SEC14L5: variants seen among roughly 807,000 people sequenced by gnomAD.
SEC14L5 encodes SEC14 like lipid binding 5.
SEC14L5 carries 96 observed loss-of-function variants against 84.6 expected under a neutral mutation model. That is an observed-to-expected ratio of 1.13 (90% confidence interval 0.96 to 1.34). SEC14L5 has a LOEUF of 1.34. SEC14L5 is among the 40% of genes most tolerant of loss of function. The pLI is 0.00. For missense variants in SEC14L5, 1,224 were observed against 942.5 expected (o/e 1.30, Z -3.91); for synonymous variants, 546 against 383.4 (o/e 1.42, Z -4.95).
intron 14 of SEC14L5, among the ~76,000 whole-genome samples, chr16:5,009,748 G>T (rs1955778277): frequency 6.6e-6 from 1 of 152,150 alleles, no homozygotes; most frequent in Admixed American, 6.5e-5. Context: ...CAGGGGGAAG[G>T]ATGAGCATAT....
At chr16:4,987,879 G>A (rs1164783036) in intron 3 of SEC14L5, among the ~76,000 whole-genome samples, 173 bp downstream of exon 3, 9 of 152,308 alleles carry the variant, frequency 5.9e-5, no homozygotes, top group Admixed American at 5.9e-4. Context: ...CAGGGCCCAG[G>A]AGGGGCGAGG....
rs2142482815 is a variant in SEC14L5 at position 4,971,702 on chromosome 16, C to T, written c.63+12316C>T. Among the ~76,000 whole-genome samples, 7 of 152,336 alleles carry T rather than the reference C, an allele frequency of 4.6e-5. No homozygotes were observed. In the Middle Eastern group the frequency reaches 0.02, roughly 444 times the overall value. ...CTGGGAGTGTAGATGTAGGTCCACT[C>T]ACTCTGAGACTAGGGAGACCGGTAC... On this transcript the variant is annotated intron_variant, in intron 2 of 15. Coordinates refer to ENST00000251170, the MANE Select transcript of SEC14L5 (RefSeq NM_014692.2).
At chr16:5,004,791 C>G (rs918880587) in intron 11 of SEC14L5, among the ~76,000 whole-genome samples, 3 of 152,226 alleles carry the variant, frequency 2.0e-5, no homozygotes, top group Non-Finnish European at 4.4e-5. Context: ...CTCCCACTTC[C>G]TTCCTTCTTT....
At chr16:4,967,997 C>T (rs1955227450) in intron 2 of SEC14L5, among the ~76,000 whole-genome samples, 1 of 136,850 alleles carries the variant, frequency 7.3e-6, no homozygotes, top group South Asian at 2.7e-4. Flanking sequence ...CTTCCCTTCC[C>T]TTTCTCCCTC....
intron 12 of SEC14L5, 72 bp from the exon 13 acceptor site, chr16:5,007,280 C>T (rs1955741877): frequency 4.8e-6 from 7 of 1,471,226 alleles, no homozygotes; most frequent in Non-Finnish European, 5.6e-6. Context: ...GGTCACACAT[C>T]ACCCTTCTGT....
At chr16:4,988,671 A>G (rs1422485141) in intron 4 of SEC14L5, among the ~76,000 whole-genome samples, 1 of 152,176 alleles carries the variant, frequency 6.6e-6, no homozygotes, top group African/African-American at 2.4e-5. Flanking sequence ...GGGCTTAATA[A>G]TCATGCCTAC....
chr16:4,982,340 G>A (rs751536968), intron 2 of SEC14L5, among the ~76,000 whole-genome samples: 7 of 152,154 alleles, frequency 4.6e-5, no homozygotes, highest in Admixed American at 1.3e-4. Context: ...TGTGACAGGC[G>A]CTAGGAGCAG....
chr16:5,013,901 CA>C (rs1325119476), intron 15 of SEC14L5, among the ~76,000 whole-genome samples: 1 of 152,120 alleles, frequency 6.6e-6, no homozygotes, highest in East Asian at 1.9e-4. Context: ...CTATTTTGCC[CA>C]GGCTGGTCTC....
At chr16:5,000,989 C>T in intron 10 of SEC14L5, 64 bp downstream of exon 10, 1 of 1,275,768 alleles carries the variant, frequency 7.8e-7, no homozygotes, top group Non-Finnish European at 1.1e-6. Context: ...GAGAGGGGTC[C>T]ACTGTGCATA....
chr16:4,958,657 C>G (rs949553674), intron 1 of SEC14L5, among the ~76,000 whole-genome samples: 1 of 152,172 alleles, frequency 6.6e-6, no homozygotes, highest in Admixed American at 6.6e-5. Flanking sequence ...TGCGTGTGTG[C>G]ACGTCTGTGC....
intron 2 of SEC14L5, among the ~76,000 whole-genome samples, chr16:4,960,318 C>T (rs531614693): frequency 2.0e-5 from 3 of 152,134 alleles, no homozygotes; most frequent in Non-Finnish European, 2.9e-5. Context: ...AATATGCTGT[C>T]GCTGTTATTA....
At chr16:5,006,507 G>C (rs981882782) in intron 12 of SEC14L5, among the ~76,000 whole-genome samples, 1 of 152,136 alleles carries the variant, frequency 6.6e-6, no homozygotes, top group Non-Finnish European at 1.5e-5. Flanking sequence ...CCCTTCAAGG[G>C]AGGCAGTGTC....
chr16:5,009,478 C>G (rs1955775077), intron 14 of SEC14L5, among the ~76,000 whole-genome samples: 1 of 152,056 alleles, frequency 6.6e-6, no homozygotes, highest in Non-Finnish European at 1.5e-5. Flanking sequence ...TTCCCGCCAC[C>G]ATGTCCAACT....
At chr16:4,972,244 C>T (rs954753754) in intron 2 of SEC14L5, among the ~76,000 whole-genome samples, 2 of 152,138 alleles carry the variant, frequency 1.3e-5, no homozygotes, top group Non-Finnish European at 2.9e-5. Flanking sequence ...TTCAAGTGAT[C>T]CTCTTGCCTT....
In SEC14L5 at chr16:5,006,049, G is replaced by T; in HGVS notation, c.1437+1G>T. ...TGACTTCCTTGGGGGAGAGAGTGTG[G>T]TGAGGCTTCCATGTCCACAGACAGA... On this transcript the variant is annotated splice_donor_variant, in intron 12 of 15. Transcript: ENST00000251170. LOFTEE classifies it high-confidence loss of function. 2 of 1,613,552 alleles carry T rather than the reference G, an allele frequency of 1.2e-6. No homozygotes were observed. The highest frequency in any genetic ancestry group is 2.2e-5 in the East Asian group (1 of 44,856).
In SEC14L5 at chr16:4,994,504, C is replaced by T. The variant is rs185193924; in HGVS notation, c.668-1844C>T. ...GACTACAGGCGTGCACCATCATTCC[C>T]GGCTAATTTTTGTATTTTTAGTAGA... is the stretch of plus-strand genomic sequence containing the variant. On this transcript the variant is annotated intron_variant, in intron 6 of 15. Coordinates refer to ENST00000251170, the MANE Select transcript of SEC14L5 (RefSeq NM_014692.2). Among the ~76,000 whole-genome samples the T allele has an allele frequency of 2.9e-3, 437 of 152,166 alleles. 3 individuals are homozygous for T. The highest frequency in any genetic ancestry group is 9.7e-3 in the African/African-American group (403 of 41,510).
At chr16:4,996,790 C>G in intron 7 of SEC14L5, 65 bp from the exon 8 acceptor site, 2 of 1,320,314 alleles carry the variant, frequency 1.5e-6, no homozygotes, top group Non-Finnish European at 2.1e-6. Flanking sequence ...CCGGCTGGTT[C>G]TGTAATTTTA....
chr16:4,977,299 T>G, intron 2 of SEC14L5, among the ~76,000 whole-genome samples: 1 of 149,750 alleles, frequency 6.7e-6, no homozygotes, highest in South Asian at 2.1e-4. Flanking sequence ...GTACAAAAAT[T>G]AGTTGGGTGT....
chr16:4,960,397 C>T (rs891325609), intron 2 of SEC14L5, among the ~76,000 whole-genome samples: 1 of 152,132 alleles, frequency 6.6e-6, no homozygotes, highest in Admixed American at 6.5e-5. Context: ...ATCTGTCCCA[C>T]CCCAGCACTG....
Sources: gnomAD v4.1 joint callset for allele counts (sites outside exome capture counted in the v4.1 genomes callset) on GRCh38, gnomAD v4.1.1 for gene constraint, MANE v1.5 for transcripts, NCBI Gene and HGNC (gene_info 2026-07-23, HGNC 2026-07-21) for gene names.